Variants in CUL5 observed in about 807,000 individuals in gnomAD.
CUL5 encodes cullin-5.
In CUL5, 26 loss-of-function variants were observed where a neutral mutation model predicts 108.8. That is an observed-to-expected ratio of 0.24 (90% CI 0.18 to 0.33). CUL5 has a LOEUF of 0.33. Among genes scored for constraint, CUL5 ranks in the 10% least tolerant of loss-of-function variants. CUL5 has a pLI of 1.00. For missense variants in CUL5, 524 were observed against 909.2 expected, an observed-to-expected ratio of 0.58 and a Z score of 5.45; for synonymous variants, 334 against 298.0, an observed-to-expected ratio of 1.12 and a Z score of -1.25.
chr11:108,033,953 T>A, intron 2 of CUL5, 42 bp downstream of exon 2: 1 of 1,191,352 alleles, frequency 8.4e-7, no homozygotes, highest in Non-Finnish European at 1.2e-6. Context: ...TAAAGGAAAT[T>A]TTAGTGATGT....
In CUL5 at chr11:108,064,202, A is replaced by G. The variant is rs932814615; in HGVS notation, c.781-5894A>G. Reference sequence around the variant, plus strand: ...TATTATGTTGAGGTATGTTCGTTCTATACCCAGTGTTTTGATGGTTTGTAT... The same window carrying G: ...TATTATGTTGAGGTATGTTCGTTCTGTACCCAGTGTTTTGATGGTTTGTAT... On this transcript the variant is annotated intron_variant, in intron 7 of 18. Coordinates refer to ENST00000393094, the MANE Select transcript of CUL5 (RefSeq NM_003478.6). 6.6e-5 allele frequency among the ~76,000 whole-genome samples: 10 copies of G among 152,300 alleles called. No individual in the cohort carries two copies. The East Asian group carries it at 1.3e-3, about 21-fold the overall frequency.
intron 7 of CUL5, among the ~76,000 whole-genome samples, chr11:108,061,677 A>G (rs955961146): frequency 6.6e-5 from 10 of 151,838 alleles, no homozygotes; most frequent in Non-Finnish European, 8.8e-5. Context: ...CTGCATTCCT[A>G]TATTTAAAAA....
At position 108,095,530 on chromosome 11, in the gene CUL5, A is replaced by G; in HGVS notation, c.1744A>G (p.Ile582Val). ...HWHHLMSNGI[I>V]TFKNEVGQYD... The stretch of plus-strand genomic sequence containing the variant: ...TAAAAATCTGTTTTATCTATTATAG[A>G]TAACATTTAAGAATGAAGTTGGTCA... The change falls in exon 16 of 19, where the codon ATA becomes GTA. Residue 582 changes from isoleucine (I) to valine (V), a missense_variant and splice_region_variant. By Grantham distance (29) the Ile-to-Val change is conservative. Coordinates refer to ENST00000393094, the MANE Select transcript of CUL5 (RefSeq NM_003478.6). The G allele has an allele frequency of 1.3e-6, 2 of 1,587,226 alleles. No individual in the cohort carries two copies. The highest frequency in any genetic ancestry group is 1.7e-6 in the Non-Finnish European group (2 of 1,159,386).
rs199589248 is a variant in CUL5 at position 108,018,682 on chromosome 11, AAAGAG to A, written c.24+9312_24+9316del. On this transcript the variant is annotated intron_variant, in intron 1 of 18. Transcript: ENST00000393094. ...GGAGTGAGACTGTGTCTTAAAAAAA[AAAGAG>A]AGAGAGAAACATCACATATATGCAC... 9.5e-3 allele frequency among the ~76,000 whole-genome samples: 1,453 copies of A among 152,258 alleles called. 31 individuals carry two copies. The highest frequency in any genetic ancestry group is 0.033 in the African/African-American group (1,364 of 41,534).
At position 108,104,372 on chromosome 11, in the gene CUL5, A is replaced by G. The variant is rs375053670; in HGVS notation, c.2331A>G (p.Ile777Met). Reference sequence around the variant, plus strand: ...ATGAATCTGATATCAACACTTTCATATATATGGCATAATTTTGAATATCAT... The same window carrying G: ...ATGAATCTGATATCAACACTTTCATGTATATGGCATAATTTTGAATATCAT... ...RRDESDINTF[I>M]YMA The change falls in exon 19 of 19, where the codon ATA (isoleucine) becomes ATG (methionine). Residue 777 changes from isoleucine to methionine, a missense_variant. Coordinates refer to ENST00000393094, the MANE Select transcript of CUL5 (RefSeq NM_003478.6). 2.7e-5 allele frequency: 42 copies of G among 1,544,024 alleles called. No homozygotes were observed. The highest frequency in any genetic ancestry group is 3.6e-5 in the Non-Finnish European group (41 of 1,151,430).
intron 1 of CUL5, among the ~76,000 whole-genome samples, chr11:108,009,658 A>G (rs1385235491): frequency 6.6e-6 from 1 of 152,172 alleles, no homozygotes; most frequent in Non-Finnish European, 1.5e-5. Flanking sequence ...GGAGCGGGAG[A>G]TGAATGGTCG....
At chr11:108,103,829 T>A (rs1057201848) in intron 18 of CUL5, among the ~76,000 whole-genome samples, 1 of 152,180 alleles carries the variant, frequency 6.6e-6, no homozygotes, top group African/African-American at 2.4e-5. Context: ...AAATACATAC[T>A]TTAAGTTCTG....
chr11:108,091,416 C>T (rs767151660), intron 13 of CUL5, among the ~76,000 whole-genome samples: 36 of 151,848 alleles, frequency 2.4e-4, no homozygotes, highest in Admixed American at 4.6e-4. Context: ...CAAGGCTAGG[C>T]ATGGTGGCTC....
At chr11:108,033,238 A>G (rs1479381843) in intron 1 of CUL5, among the ~76,000 whole-genome samples, 1 of 152,194 alleles carries the variant, frequency 6.6e-6, no homozygotes, top group Non-Finnish European at 1.5e-5. Flanking sequence ...CACGAGTACC[A>G]TCAAATAGGG....
At chr11:108,043,235 AATT>A (rs1862978843) in intron 2 of CUL5, among the ~76,000 whole-genome samples, 1 of 152,088 alleles carries the variant, frequency 6.6e-6, no homozygotes. Flanking sequence ...ATGCCCAACT[AATT>A]ATTTTATTTT....
At chr11:108,016,587 GT>G (rs2135040885) in intron 1 of CUL5, among the ~76,000 whole-genome samples, 1 of 152,218 alleles carries the variant, frequency 6.6e-6, no homozygotes, top group South Asian at 2.1e-4. Flanking sequence ...TAGTGTCCTG[GT>G]GAACCCAGTT....
chr11:108,044,979 T>C (rs1466062335), intron 2 of CUL5, among the ~76,000 whole-genome samples: 1 of 152,028 alleles, frequency 6.6e-6, no homozygotes, highest in Admixed American at 6.6e-5. Flanking sequence ...GCCAGGCTGG[T>C]CTTGAACTCC....
chr11:108,012,523 CT>C (rs34312194), intron 1 of CUL5, among the ~76,000 whole-genome samples: 41,224 of 133,854 alleles, frequency 0.31, 7,667 homozygotes, highest in African/African-American at 0.56. Flanking sequence ...TCCCCTCTTA[CT>C]TTTTTTTTTT....
chr11:108,055,284 A>G (rs1426034193), intron 7 of CUL5, among the ~76,000 whole-genome samples: 6 of 152,138 alleles, frequency 3.9e-5, no homozygotes, highest in Admixed American at 3.9e-4. Context: ...TGCAAGTAAT[A>G]TATGCTCCCT....
chr11:108,047,212 G>A (rs1591296252), intron 3 of CUL5, among the ~76,000 whole-genome samples: 1 of 152,260 alleles, frequency 6.6e-6, no homozygotes, highest in Non-Finnish European at 1.5e-5. Flanking sequence ...AGCCACTCGA[G>A]AGGCTGAGGC....
intron 2 of CUL5, among the ~76,000 whole-genome samples, chr11:108,040,139 C>T (rs1862857178): frequency 6.6e-6 from 1 of 152,148 alleles, no homozygotes; most frequent in Non-Finnish European, 1.5e-5. Flanking sequence ...CTAGATTTTT[C>T]TAATAAAGTT....
chr11:108,083,647 C>T (rs764823719), intron 11 of CUL5, among the ~76,000 whole-genome samples: 3 of 152,168 alleles, frequency 2.0e-5, no homozygotes, highest in African/African-American at 4.8e-5. Context: ...AAAAATTAGA[C>T]GAGCATGATG....
At chr11:108,067,176 G>A (rs1013860448) in intron 7 of CUL5, among the ~76,000 whole-genome samples, 11 of 152,180 alleles carry the variant, frequency 7.2e-5, no homozygotes, top group African/African-American at 2.7e-4. Context: ...TGCCATGTGG[G>A]TTAAATGAGA....
intron 4 of CUL5, among the ~76,000 whole-genome samples, chr11:108,050,740 T>A (rs539861899): frequency 1.3e-5 from 2 of 152,336 alleles, no homozygotes; most frequent in Non-Finnish European, 2.9e-5. Flanking sequence ...TACCTTCTGA[T>A]ATCTTTATGT....
Sources: gnomAD v4.1 joint callset for allele counts (sites outside exome capture counted in the v4.1 genomes callset) on GRCh38, gnomAD v4.1.1 for gene constraint, MANE v1.5 for transcripts, NCBI Gene and HGNC (gene_info 2026-07-23, HGNC 2026-07-21) for gene names.